Variants in RICTOR observed in about 807,000 individuals in gnomAD.
The protein encoded by RICTOR is rapamycin-insensitive companion of mTOR.
RICTOR carries 49 observed loss-of-function variants against 214.9 expected under a neutral mutation model. The ratio of observed to expected loss-of-function variants is 0.23; its 90% CI spans 0.18 to 0.29. RICTOR has a LOEUF of 0.29. Ranked by LOEUF, RICTOR falls within the 10% of genes least tolerant of loss-of-function variation. RICTOR has a pLI of 1.00. For missense variants in RICTOR, 1,625 were observed against 2,047.0 expected, an observed-to-expected ratio of 0.79 and a Z score of 3.98; for synonymous variants, 717 against 711.3, an observed-to-expected ratio of 1.01 and a Z score of -0.13.
At position 38,945,740 on chromosome 5, in the gene RICTOR, T is replaced by C. The variant is rs1423251648; in HGVS notation, c.4400-16A>G. 16 of 1,314,976 alleles carry C rather than the reference T, an allele frequency of 1.2e-5. No individual in the cohort carries two copies. The highest frequency in any genetic ancestry group is 1.6e-5 in the Non-Finnish European group (15 of 917,598). The allele number at this position is 1,314,976 out of a possible 1,614,324, so 81.5% of individuals were successfully genotyped here. ...GATGGAAGACCTGTGCATAAGTAAATATAAAACATAATCCAATAAAGATAA... is the reference window on the plus strand; with the variant it reads ...GATGGAAGACCTGTGCATAAGTAAACATAAAACATAATCCAATAAAGATAA... On this transcript the variant is annotated splice_polypyrimidine_tract_variant and intron_variant, in intron 33 of 37. Coordinates refer to ENST00000357387, the MANE Select transcript of RICTOR (RefSeq NM_152756.5).
intron 2 of RICTOR, among the ~76,000 whole-genome samples, chr5:39,050,199 AATAT>A (rs35127418): frequency 6.7e-6 from 1 of 148,472 alleles, no homozygotes; most frequent in African/African-American, 2.5e-5. Flanking sequence ...TAAATAAATA[AATAT>A]ATATATATAT....
intron 6 of RICTOR, 41 bp from the exon 7 acceptor site, chr5:38,991,116 T>C (rs368809082): frequency 9.3e-5 from 135 of 1,457,280 alleles, no homozygotes; most frequent in Non-Finnish European, 1.2e-4. Context: ...ACTTTAGTAA[T>C]ACATTTCTTA....
chr5:38,944,087 T>TG (rs1747906585), intron 36 of RICTOR: 1 of 372,290 alleles, frequency 2.7e-6, no homozygotes, highest in Non-Finnish European at 5.2e-6. Flanking sequence ...TAACATGCAT[T>TG]AATTTATTTT....
intron 12 of RICTOR, 129 bp from the exon 13 acceptor site, chr5:38,967,556 A>G: frequency 1.5e-6 from 1 of 656,494 alleles, no homozygotes; most frequent in Non-Finnish European, 2.6e-6. Context: ...ATACATTCAA[A>G]AAGATACAGA....
At position 38,953,514 on chromosome 5, in the gene RICTOR, C is replaced by A. The variant is rs376775091; in HGVS notation, c.2737G>T (p.Asp913Tyr). 6.7e-7 allele frequency: 1 copy of A among 1,496,404 alleles called. No individual in the cohort carries two copies. 92.7% of individuals were successfully genotyped at this position (1,496,404 alleles called of 1,614,324 possible). A position where few individuals can be genotyped will look rare whatever the true frequency, so the allele number is the denominator to read the frequency against. Residue 913 changes from aspartate (D) to tyrosine (Y), a missense_variant, in exon 28 of 38, where the codon GAT (aspartate) becomes TAT (tyrosine). Asp to Tyr is a radical substitution (Grantham distance 160). This residue lies in a region of RICTOR where 1,214 missense variants were observed against 1,470.5 expected (regional missense o/e 0.83). Coordinates refer to ENST00000357387, the MANE Select transcript of RICTOR (RefSeq NM_152756.5). ...TELCRNVRTP[D>Y]LDKWEEIKKL... is the part of the protein sequence containing the mutation. ...TTAATTTCTTCCCACTTATCCAAAT[C>A]TGGTGTACGAACATTACGACAGAGT... is the stretch of plus-strand genomic sequence containing the variant.
At chr5:39,004,431 C>A (rs1037945726) in intron 3 of RICTOR, among the ~76,000 whole-genome samples, 1 of 151,060 alleles carries the variant, frequency 6.6e-6, no homozygotes, top group African/African-American at 2.4e-5. Flanking sequence ...ATTGTTGACT[C>A]TTTTGAAAGT....
chr5:38,983,770 G>T (rs1278041057), intron 7 of RICTOR, among the ~76,000 whole-genome samples: 1 of 152,022 alleles, frequency 6.6e-6, no homozygotes, highest in Non-Finnish European at 1.5e-5. Flanking sequence ...GAGACATCCT[G>T]GCCAACATGG....
chr5:38,972,089 A>G, intron 10 of RICTOR, 130 bp from the exon 11 acceptor site: 1 of 544,874 alleles, frequency 1.8e-6, no homozygotes, highest in Non-Finnish European at 3.2e-6. Flanking sequence ...TTTGGTCATC[A>G]TAAGAACTAT....
chr5:38,951,115 A>G (rs1452544800), intron 30 of RICTOR, among the ~76,000 whole-genome samples: 1 of 151,948 alleles, frequency 6.6e-6, no homozygotes, highest in Non-Finnish European at 1.5e-5. Flanking sequence ...TATAAGCAGG[A>G]GAAATTCACC....
intron 33 of RICTOR, among the ~76,000 whole-genome samples, chr5:38,946,022 T>G (rs1175116728): frequency 6.6e-6 from 1 of 152,166 alleles, no homozygotes; most frequent in Non-Finnish European, 1.5e-5. Flanking sequence ...TAAAGAGGCA[T>G]TTGTTTAAAA....
At chr5:38,979,651 T>G (rs1260333004) in intron 8 of RICTOR, among the ~76,000 whole-genome samples, 1 of 152,188 alleles carries the variant, frequency 6.6e-6, no homozygotes, top group African/African-American at 2.4e-5. Context: ...TCAGTCCAAG[T>G]GCTAGCCAAG....
At chr5:39,023,998 C>A (rs1215747825) in intron 2 of RICTOR, among the ~76,000 whole-genome samples, 3 of 152,154 alleles carry the variant, frequency 2.0e-5, no homozygotes, top group South Asian at 4.1e-4. Context: ...CTGTGGAAAA[C>A]AATTTTTCCA....
chr5:38,953,980 C>CA (rs1267254488), intron 27 of RICTOR, among the ~76,000 whole-genome samples: 1 of 151,792 alleles, frequency 6.6e-6, no homozygotes, highest in Non-Finnish European at 1.5e-5. Context: ...TAAGTAGTAA[C>CA]ACTGAGAAAA....
At chr5:39,072,500 T>C (rs1222916275) in intron 2 of RICTOR, among the ~76,000 whole-genome samples, 1 of 152,218 alleles carries the variant, frequency 6.6e-6, no homozygotes, top group Non-Finnish European at 1.5e-5. Flanking sequence ...CAAGTTAAAC[T>C]CAAGTTTATT....
intron 2 of RICTOR, among the ~76,000 whole-genome samples, chr5:39,066,552 GCT>G (rs1580231326): frequency 6.6e-6 from 1 of 152,320 alleles, no homozygotes; most frequent in East Asian, 1.9e-4. Flanking sequence ...CCCTGAAAAA[GCT>G]TTTTCTTTCT....
chr5:39,021,198 A>G, intron 2 of RICTOR, 62 bp from the exon 3 acceptor site: 1 of 902,826 alleles, frequency 1.1e-6, no homozygotes, highest in Non-Finnish European at 1.9e-6. Context: ...TCAAACACAT[A>G]AAACATGCAG....
chr5:38,944,577 G>T lies in RICTOR; in HGVS notation c.4790-8C>A, dbSNP rs2112803294. ...CTGGAATTGTTTTAACACCTGAAAA[G>T]ATTTCAGGGAGAAGTTAAATATTAT... On this transcript the variant is annotated splice_region_variant and splice_polypyrimidine_tract_variant and intron_variant, in intron 35 of 37. Transcript: ENST00000357387. 1 of 1,574,472 alleles carries T rather than the reference G, an allele frequency of 6.4e-7. No homozygotes were observed.
intron 2 of RICTOR, among the ~76,000 whole-genome samples, chr5:39,027,417 T>A (rs1333150276): frequency 6.6e-6 from 1 of 152,154 alleles, no homozygotes; most frequent in Non-Finnish European, 1.5e-5. Flanking sequence ...ACTTCCTGGC[T>A]GTGACTAGAT....
intron 2 of RICTOR, among the ~76,000 whole-genome samples, chr5:39,052,000 AGCAGCAG>A (rs536199656): frequency 2.2e-3 from 334 of 152,282 alleles, no homozygotes; most frequent in African/African-American, 7.7e-3. Context: ...TCTTTTCCTG[AGCAGCAG>A]TATGTGGTAG....
Sources: gnomAD v4.1 joint callset for allele counts (sites outside exome capture counted in the v4.1 genomes callset) on GRCh38, gnomAD v4.1.1 for gene constraint, gnomAD v4.1.1 regional missense constraint, MANE v1.5 for transcripts, NCBI Gene and HGNC (gene_info 2026-07-23, HGNC 2026-07-21) for gene names.